Variants in SCN10A observed in about 807,000 individuals in gnomAD.
SCN10A encodes the protein sodium channel protein type 10 subunit alpha.
Under a neutral mutation model 170.7 loss-of-function variants are expected in SCN10A, and 162 were observed. That is an observed-to-expected ratio of 0.95 (90% confidence interval 0.84 to 1.08). SCN10A has a LOEUF of 1.08. Ranked by LOEUF, SCN10A falls within the 50% of genes least tolerant of loss-of-function variation. The probability of loss-of-function intolerance (pLI) is 0.00; values close to 1 mark genes in which losing one functional copy is unlikely to be tolerated. For synonymous variants in SCN10A, 985 were observed against 904.6 expected, an observed-to-expected ratio of 1.09 and a Z score of -1.59; for missense variants, 2,527 against 2,436.9, an observed-to-expected ratio of 1.04 and a Z score of -0.78.
At chr3:38,704,751 G>A (rs907371046) in intron 26 of SCN10A, among the ~76,000 whole-genome samples, 1 of 152,178 alleles carries the variant, frequency 6.6e-6, no homozygotes, top group African/African-American at 2.4e-5. Flanking sequence ...GGTGTGTGAG[G>A]CTCCTATGTG....
chr3:38,739,716 A>C, intron 14 of SCN10A, 28 bp from the exon 15 acceptor site: 1 of 1,585,258 alleles, frequency 6.3e-7, no homozygotes, highest in Non-Finnish European at 8.6e-7. Flanking sequence ...CTTTCATCAC[A>C]GTGGGATCTG....
At chr3:38,765,865 C>A (rs192414996) in intron 5 of SCN10A, among the ~76,000 whole-genome samples, 56 of 152,142 alleles carry the variant, frequency 3.7e-4, no homozygotes, top group African/African-American at 1.3e-3. Context: ...GGATGTGTTC[C>A]CATTTGTTTG....
At chr3:38,805,946 G>C (rs780964957) in intron 1 of SCN10A, among the ~76,000 whole-genome samples, 2 of 152,166 alleles carry the variant, frequency 1.3e-5, no homozygotes, top group Non-Finnish European at 2.9e-5. Flanking sequence ...ACGAAAGTGC[G>C]TGCGCTATCC....
intron 1 of SCN10A, among the ~76,000 whole-genome samples, chr3:38,798,131 A>G (rs1298836635): frequency 2.6e-5 from 4 of 152,220 alleles, no homozygotes; most frequent in Non-Finnish European, 5.9e-5. Context: ...AGCTATTTCT[A>G]GGAATGTCAT....
chr3:38,745,393 C>T (rs1040736409), intron 13 of SCN10A, among the ~76,000 whole-genome samples: 13 of 152,272 alleles, frequency 8.5e-5, no homozygotes, highest in African/African-American at 3.1e-4. Context: ...GTTGAATATA[C>T]CCTTTCTTCC....
In SCN10A at chr3:38,794,046, A is replaced by G. The variant is rs2064321159; in HGVS notation, c.-32-4T>C. 1.3e-6 allele frequency: 2 copies of G among 1,597,932 alleles called. No homozygotes were observed. Among genetic ancestry groups the G allele is most frequent in the Non-Finnish European group, 1.7e-6 (2 of 1,167,232 alleles). Reference sequence around the variant, plus strand: ...TTCTTCAGGAAGTATTTATACTCTTATAAGAGTGGACATAACCACAGAGAG... The same window carrying G: ...TTCTTCAGGAAGTATTTATACTCTTGTAAGAGTGGACATAACCACAGAGAG... On this transcript the variant is annotated splice_polypyrimidine_tract_variant and splice_region_variant and intron_variant, in intron 1 of 27. Coordinates refer to ENST00000449082, the MANE Select transcript of SCN10A (RefSeq NM_006514.4).
In SCN10A at chr3:38,749,974, A is replaced by T. The variant is rs1376725277; in HGVS notation, c.1867+99T>A. ...GAGTATTAGGAATTCCAGTACACAG[A>T]GATGGACGCTTTGACACGAGTTAGA... On this transcript the variant is annotated intron_variant, in intron 13 of 27. Transcript: ENST00000449082. 3.1e-6 allele frequency: 2 copies of T among 642,624 alleles called. 1 individual carries two copies. Among genetic ancestry groups the T allele is most frequent in the Admixed American group, 5.1e-5 (2 of 39,506 alleles). 39.8% of individuals were successfully genotyped at this position (642,624 alleles called of 1,614,324 possible). A position where few individuals can be genotyped will look rare whatever the true frequency, so the allele number is the denominator to read the frequency against.
chr3:38,779,796 A>C (rs1292483492), intron 4 of SCN10A, among the ~76,000 whole-genome samples: 1 of 151,888 alleles, frequency 6.6e-6, no homozygotes, highest in African/African-American at 2.4e-5. Context: ...ATTTTTAAAA[A>C]TTATCAAGTG....
intron 1 of SCN10A, among the ~76,000 whole-genome samples, chr3:38,800,650 T>G (rs916939788): frequency 7.6e-6 from 1 of 130,920 alleles, no homozygotes; most frequent in African/African-American, 2.5e-5. Flanking sequence ...TCCCCAGAGG[T>G]TTTTTTGGGG....
intron 17 of SCN10A, among the ~76,000 whole-genome samples, chr3:38,726,378 A>C (rs893415110): frequency 2.6e-5 from 4 of 152,168 alleles, no homozygotes; most frequent in African/African-American, 9.7e-5. Context: ...CAAGCACCTC[A>C]AGGTGGCCTT....
At chr3:38,799,518 C>T (rs1254660069) in intron 1 of SCN10A, among the ~76,000 whole-genome samples, 1 of 152,118 alleles carries the variant, frequency 6.6e-6, no homozygotes, top group Non-Finnish European at 1.5e-5. Context: ...TAATGGTATG[C>T]TTTTAAGAAG....
intron 14 of SCN10A, 50 bp from the exon 15 acceptor site, chr3:38,739,738 G>A (rs1481543443): frequency 1.4e-6 from 2 of 1,450,558 alleles, no homozygotes; most frequent in Non-Finnish European, 1.9e-6. Flanking sequence ...GGGGTCGGAG[G>A]CAATGATAAA....
chr3:38,709,524 A>C lies in SCN10A; in HGVS notation c.4235T>G (p.Leu1412Arg). 1 of 1,613,132 alleles carries C rather than the reference A, an allele frequency of 6.2e-7. No homozygotes were observed. Among genetic ancestry groups the C allele is most frequent in the Non-Finnish European group, 8.5e-7 (1 of 1,179,610 alleles). Residue 1412 changes from leucine (L) to arginine (R), a missense_variant, in exon 25 of 28, where the codon CTC becomes CGC. Leu to Arg is a moderately radical substitution (Grantham distance 102). Coordinates refer to ENST00000449082, the MANE Select transcript of SCN10A (RefSeq NM_006514.4). ...IIFGGFFTLN[L>R]FVGVIIDNFN... ...GTTGTCAATTATGACCCCAACAAAG[A>C]GATTCAGTGTGAAGAAGCCTCCAAA...
Position 38,759,229 on chromosome 3 carries a change from C to A in SCN10A, c.950+1452G>T, listed in dbSNP as rs539386649. Among the ~76,000 whole-genome samples, 14 of 152,184 alleles carry A rather than the reference C, an allele frequency of 9.2e-5. No individual in the cohort carries two copies. In the South Asian group the frequency reaches 2.3e-3, roughly 25 times the overall value. On this transcript the variant is annotated intron_variant, in intron 8 of 27. Transcript: ENST00000449082. ...GAGCTCTGCTTTTCCAAGCTCTCAG[C>A]CATGGAGGTGGGTGAGATGGGCCTT... is the stretch of plus-strand genomic sequence containing the variant.
chr3:38,728,569 C>T lies in SCN10A; in HGVS notation c.2613G>A (p.Leu871=), dbSNP rs548693615. 1 of 1,599,038 alleles carries T rather than the reference C, an allele frequency of 6.3e-7. No individual in the cohort carries two copies. Among genetic ancestry groups the T allele is most frequent in the South Asian group, 1.1e-5 (1 of 89,044 alleles). ...GQKSICLILF[L]TVMVLGNLVV... The stretch of plus-strand genomic sequence containing the variant: ...CCAGGTTCCCTAGCACCATCACCGT[C>T]AAGAAAAGGATGAGGCATATGGATT... The change falls in exon 16 of 28, where the codon TTG becomes TTA. Residue 871 remains leucine (L), a synonymous_variant. Coordinates refer to ENST00000449082, the MANE Select transcript of SCN10A (RefSeq NM_006514.4).
intron 6 of SCN10A, 135 bp downstream of exon 6, chr3:38,763,370 C>G: frequency 2.7e-6 from 2 of 730,190 alleles, no homozygotes; most frequent in South Asian, 1.7e-5. Flanking sequence ...GTTTCCTATA[C>G]TCCAGGCCTC....
intron 4 of SCN10A, among the ~76,000 whole-genome samples, chr3:38,773,626 T>C (rs549576562): frequency 1.3e-5 from 2 of 152,310 alleles, no homozygotes; most frequent in South Asian, 4.1e-4. Context: ...AAAATCCTTA[T>C]TAACTCCAAG....
rs762600386 is a variant in SCN10A at position 38,698,443 on chromosome 3, T to A, written c.4777A>T (p.Ile1593Phe). 29 of 1,613,984 alleles carry A rather than the reference T, an allele frequency of 1.8e-5. No individual in the cohort carries two copies. The highest frequency in any genetic ancestry group is 1.6e-5 in the Non-Finnish European group (19 of 1,180,012). The change falls in exon 28 of 28, where the codon ATC (isoleucine) becomes TTC (phenylalanine). Residue 1593 changes from isoleucine to phenylalanine, a missense_variant. By Grantham distance (21) the Ile-to-Phe change is conservative. Transcript: ENST00000449082. ...ATGAGGGCAAAGAGCAGTGTGCGGA[T>A]CCCCTTGGCCGCTCGGATCAGTCTG... Reference protein sequence around the residue: ...ILRLIRAAKGIRTLLFALMMS... With the variant: ...ILRLIRAAKGFRTLLFALMMS...
At chr3:38,742,258 G>T (rs554154472) in intron 14 of SCN10A, 33 bp downstream of exon 14, 15 of 969,166 alleles carry the variant, frequency 1.5e-5, no homozygotes, top group Non-Finnish European at 1.6e-5. Flanking sequence ...CCCCGACCAC[G>T]CCAGTGAGGG....
Sources: gnomAD v4.1 joint callset for allele counts (sites outside exome capture counted in the v4.1 genomes callset) on GRCh38, gnomAD v4.1.1 for gene constraint, MANE v1.5 for transcripts, NCBI Gene and HGNC (gene_info 2026-07-23, HGNC 2026-07-21) for gene names.